Variants in NEBL observed in about 807,000 individuals in gnomAD.
NEBL encodes LIM and SH3 protein 2.
Under a neutral mutation model 140.2 loss-of-function variants are expected in NEBL, and 122 were observed. That is an observed-to-expected ratio of 0.87 (90% CI 0.75 to 1.01). NEBL has a LOEUF of 1.01. Among genes scored for constraint, NEBL ranks in the 50% least tolerant of loss-of-function variants. The pLI, the probability that NEBL is intolerant of heterozygous loss-of-function variation, is 0.00. For synonymous variants in NEBL, 436 were observed against 398.9 expected, an observed-to-expected ratio of 1.09 and a Z score of -1.11; for missense variants, 1,365 against 1,231.3, an observed-to-expected ratio of 1.11 and a Z score of -1.62.
intron 1 of NEBL, among the ~76,000 whole-genome samples, chr10:21,289,924 AACT>A (rs1162644650): frequency 6.6e-6 from 1 of 152,190 alleles, no homozygotes; most frequent in Non-Finnish European, 1.5e-5. Context: ...TTGCAACAGA[AACT>A]ACAAGGCCCA....
At chr10:20,828,425 A>G in intron 17 of NEBL, 105 bp downstream of exon 17, 1 of 734,130 alleles carries the variant, frequency 1.4e-6, no homozygotes, top group South Asian at 1.5e-5. Context: ...CTTGACAGAA[A>G]ATTCAACTAA....
intron 2 of NEBL, chr10:21,030,477 A>G: frequency 1.3e-6 from 1 of 765,870 alleles, no homozygotes; most frequent in Non-Finnish European, 2.3e-6. Context: ...GATCAGCCCC[A>G]AAAGGTAATG....
rs549672654 is a variant in NEBL, at chr10:21,163,531, C to T, written c.164+8852G>A. 1.1e-4 allele frequency among the ~76,000 whole-genome samples: 17 copies of T among 152,248 alleles called. No homozygotes were observed. The East Asian group carries it at 3.1e-3, about 28-fold the overall frequency. Reference sequence around the variant, plus strand: ...TGGATACAGAGTCATATTTAAAAACCAAATCCAACATTGGCAGGCAACCTT... The same window carrying T: ...TGGATACAGAGTCATATTTAAAAACTAAATCCAACATTGGCAGGCAACCTT... On this transcript the variant is annotated intron_variant, in intron 2 of 6. Coordinates refer to the NEBL transcript ENST00000417816.
intron 3 of NEBL, among the ~76,000 whole-genome samples, chr10:20,972,518 G>A (rs1392654995): frequency 6.6e-6 from 1 of 152,192 alleles, no homozygotes; most frequent in Non-Finnish European, 1.5e-5. Flanking sequence ...GCCAAGGTGG[G>A]CGGATCATGA....
intron 7 of NEBL, among the ~76,000 whole-genome samples, chr10:20,864,113 A>G (rs1001611402): frequency 4.6e-5 from 7 of 152,224 alleles, no homozygotes; most frequent in Non-Finnish European, 5.9e-5. Flanking sequence ...TTATAAATAC[A>G]TAGCTTTTCC....
At chr10:21,014,301 C>T (rs554532942) in intron 3 of NEBL, among the ~76,000 whole-genome samples, 12 of 151,980 alleles carry the variant, frequency 7.9e-5, no homozygotes, top group East Asian at 1.9e-4. Flanking sequence ...TTTTTTATTA[C>T]GTTATTACCA....
At chr10:20,902,456 T>C (rs185654244) in intron 4 of NEBL, among the ~76,000 whole-genome samples, 104 of 152,254 alleles carry the variant, frequency 6.8e-4, no homozygotes, top group African/African-American at 2.4e-3. Context: ...ATTCCCCTTT[T>C]CACAGATGTA....
chr10:20,834,716 T>A (rs1442775273), intron 14 of NEBL, among the ~76,000 whole-genome samples: 1 of 152,178 alleles, frequency 6.6e-6, no homozygotes, highest in South Asian at 2.1e-4. Context: ...GCACCCCGAT[T>A]TTTTCTTCAC....
chr10:21,205,204 G>A (rs1841807315), intron 3 of NEBL, among the ~76,000 whole-genome samples: 1 of 152,178 alleles, frequency 6.6e-6, no homozygotes, highest in Admixed American at 6.5e-5. Flanking sequence ...TGACCCTGAA[G>A]GGATACTATT....
chr10:20,801,790 T>C (rs1293033068), intron 26 of NEBL, among the ~76,000 whole-genome samples: 4 of 152,098 alleles, frequency 2.6e-5, no homozygotes, highest in African/African-American at 7.2e-5. Flanking sequence ...TTCCAGAATG[T>C]ACTGAAGCAT....
intron 4 of NEBL, among the ~76,000 whole-genome samples, chr10:20,951,227 G>A (rs1234011716): frequency 6.6e-6 from 1 of 152,096 alleles, no homozygotes; most frequent in Non-Finnish European, 1.5e-5. Context: ...GAACCAAATA[G>A]AGTCTGGAGG....
chr10:21,040,876 C>A (rs1413414298), intron 2 of NEBL, among the ~76,000 whole-genome samples: 2 of 152,092 alleles, frequency 1.3e-5, no homozygotes, highest in African/African-American at 4.8e-5. Context: ...AGCCCTCTTC[C>A]TCTTCCTCCA....
chr10:21,187,219 G>A (rs190186605), intron 3 of NEBL, among the ~76,000 whole-genome samples: 22 of 152,018 alleles, frequency 1.4e-4, no homozygotes, highest in Non-Finnish European at 2.1e-4. Context: ...TAAGTTTCCT[G>A]AGGCCTCCCC....
intron 7 of NEBL, among the ~76,000 whole-genome samples, chr10:20,861,426 A>G (rs1843692335): frequency 6.6e-6 from 1 of 152,002 alleles, no homozygotes; most frequent in Non-Finnish European, 1.5e-5. Context: ...CTCCTGACCC[A>G]CCTTGGCCTC....
chr10:20,923,593 C>T (rs1156403071), intron 4 of NEBL, among the ~76,000 whole-genome samples: 1 of 137,660 alleles, frequency 7.3e-6, no homozygotes, highest in East Asian at 2.2e-4. Context: ...TCAGGAGAAT[C>T]GCTTGAACCC....
chr10:20,838,041 C>T (rs1343571062), intron 13 of NEBL, among the ~76,000 whole-genome samples: 3 of 152,190 alleles, frequency 2.0e-5, no homozygotes, highest in Non-Finnish European at 2.9e-5. Flanking sequence ...GTTTTCGAGC[C>T]TGCTACTCAA....
intron 22 of NEBL, among the ~76,000 whole-genome samples, chr10:20,814,647 T>G (rs564561864): frequency 5.3e-4 from 58 of 108,812 alleles, no homozygotes; most frequent in Non-Finnish European, 7.2e-4. Flanking sequence ...CACAACTGGT[T>G]ATCATATTTA....
intron 3 of NEBL, among the ~76,000 whole-genome samples, chr10:21,193,856 T>C (rs1000396270): frequency 6.6e-6 from 1 of 152,220 alleles, no homozygotes; most frequent in Admixed American, 6.5e-5. Flanking sequence ...GCTGTTGAAA[T>C]CCAGCATCTT....
intron 2 of NEBL, among the ~76,000 whole-genome samples, chr10:21,064,203 TA>T (rs1339684917): frequency 2.1e-5 from 3 of 143,444 alleles, no homozygotes; most frequent in African/African-American, 7.3e-5. Context: ...CATACTTAAA[TA>T]TAGAGTTAAC....
Sources: allele counts gnomAD v4.1 joint callset (sites outside exome capture counted in the v4.1 genomes callset), GRCh38; gene constraint gnomAD v4.1.1; transcripts MANE v1.5; gene names NCBI Gene and HGNC (gene_info 2026-07-23, HGNC 2026-07-21).